Variants in PTGR1 observed in about 807,000 individuals in gnomAD.
The protein encoded by PTGR1 is 15-oxoprostaglandin 13-reductase.
Under a neutral mutation model 37.7 loss-of-function variants are expected in PTGR1, and 23 were observed. The ratio of observed to expected loss-of-function variants is 0.61; its 90% CI spans 0.44 to 0.86. PTGR1 has a LOEUF of 0.86. Ranked by LOEUF, PTGR1 falls within the 40% of genes least tolerant of loss-of-function variation. The probability of loss-of-function intolerance (pLI) is 0.00; values close to 1 mark genes in which losing one functional copy is unlikely to be tolerated. For missense variants in PTGR1, 351 were observed against 394.3 expected, an observed-to-expected ratio of 0.89 and a Z score of 0.93; for synonymous variants, 134 against 140.0, an observed-to-expected ratio of 0.96 and a Z score of 0.30.
intron 2 of PTGR1, among the ~76,000 whole-genome samples, chr9:111,594,685 G>C (rs1272568941): frequency 6.6e-6 from 1 of 150,622 alleles, no homozygotes; most frequent in African/African-American, 2.4e-5. Flanking sequence ...TGAGTAGCTG[G>C]GACTACAGCC....
chr9:111,586,088 A>G lies in PTGR1; in HGVS notation c.287T>C (p.Ile96Thr). Residue 96 changes from isoleucine (I) to threonine (T), a missense_variant, in exon 5 of 10, where the codon ATT becomes ACT. Transcript: ENST00000407693. The stretch of plus-strand genomic sequence containing the variant: ...CTTTTCCAGATCTTTCCCATCAGAA[A>G]TGGAGTGCGTTGTCCAGCCTGGAGA... Reference protein sequence around the residue: ...LASPGWTTHSISDGKDLEKLL... With the variant: ...LASPGWTTHSTSDGKDLEKLL... 1.2e-6 allele frequency: 2 copies of G among 1,614,206 alleles called. No individual in the cohort carries two copies. Among genetic ancestry groups the G allele is most frequent in the Non-Finnish European group, 1.7e-6 (2 of 1,180,032 alleles).
chr9:111,583,198 T>C (rs908030569), intron 6 of PTGR1, among the ~76,000 whole-genome samples: 8 of 152,242 alleles, frequency 5.3e-5, no homozygotes, highest in Non-Finnish European at 1.2e-4. Context: ...AGCGATAGAA[T>C]GTTCAGTAAA....
intron 3 of PTGR1, 149 bp downstream of exon 3, chr9:111,594,073 G>A (rs1327699397): frequency 2.5e-6 from 2 of 806,884 alleles, no homozygotes; most frequent in African/African-American, 1.7e-5. Flanking sequence ...CAAAAGACGA[G>A]CGTGCATGAA....
intron 9 of PTGR1, among the ~76,000 whole-genome samples, chr9:111,555,759 C>T (rs1267360292): frequency 6.6e-6 from 1 of 152,200 alleles, no homozygotes; most frequent in Non-Finnish European, 1.5e-5. Flanking sequence ...AAATCTGCCA[C>T]CATGATCCCA....
At chr9:111,590,217 A>C (rs923169797) in intron 4 of PTGR1, among the ~76,000 whole-genome samples, 1 of 152,210 alleles carries the variant, frequency 6.6e-6, no homozygotes, top group Non-Finnish European at 1.5e-5. Context: ...TTAACTTACA[A>C]AAAGAAGGTC....
chr9:111,561,142 AGAGAG>A (rs1564608065), downstream of PTGR1, among the ~76,000 whole-genome samples: 27 of 45,982 alleles, frequency 5.9e-4, 1 homozygote, highest in African/African-American at 1.9e-3. Flanking sequence ...GAGAGAGGAG[AGAGAG>A]GGAGAGAGAG....
intron 8 of PTGR1, 64 bp from the exon 9 acceptor site, chr9:111,570,273 G>T: frequency 6.5e-7 from 1 of 1,548,248 alleles, no homozygotes; most frequent in Non-Finnish European, 8.7e-7. Context: ...GAAACAAGCA[G>T]TACAGGTCAC....
chr9:111,551,144 A>G lies in PTGR1; in HGVS notation c.880-1345T>C, dbSNP rs371724423. On this transcript the variant is annotated intron_variant, in intron 9 of 9. Transcript: ENST00000538962. ...TTAAAAATGTATTTTACTTCACCCA[A>G]TATATCCATAATATTATTTCATCAT... Among the ~76,000 whole-genome samples, 12 of 152,326 alleles carry G rather than the reference A, an allele frequency of 7.9e-5. No homozygotes were observed. The South Asian group carries it at 8.3e-4, about 11-fold the overall frequency.
intron 9 of PTGR1, among the ~76,000 whole-genome samples, chr9:111,552,252 A>G (rs1827988361): frequency 6.6e-6 from 1 of 152,152 alleles, no homozygotes; most frequent in South Asian, 2.1e-4. Flanking sequence ...TCCAGGTAAC[A>G]TTGGTAAAGA....
rs773699768 is a variant in PTGR1 at position 111,578,957 on chromosome 9, T to TAA, written c.496-7_496-6insTT. The TAA allele has an allele frequency of 3.4e-6, 5 of 1,455,266 alleles. No individual in the cohort carries two copies. The highest frequency in any genetic ancestry group is 4.5e-6 in the Non-Finnish European group (5 of 1,110,698). The allele number at this position is 1,455,266 out of a possible 1,614,324, so 90.1% of individuals were successfully genotyped here. A position where few individuals can be genotyped will look rare whatever the true frequency, so the allele number is the denominator to read the frequency against. On this transcript the variant is annotated splice_polypyrimidine_tract_variant and splice_region_variant and intron_variant, in intron 6 of 9. Coordinates refer to ENST00000407693, the MANE Select transcript of PTGR1 (RefSeq NM_001146108.2). ...GCTCCAACAACTTTGCAGCCCTAAG[T>TAA]AGAAAAAAAAAAAAAAAGGAAACCA...
chr9:111,568,948 A>C (rs1828692502), intron 9 of PTGR1, among the ~76,000 whole-genome samples: 1 of 152,234 alleles, frequency 6.6e-6, no homozygotes, highest in African/African-American at 2.4e-5. Flanking sequence ...ATCTCCTTAG[A>C]GATTAGACAT....
rs541178760 is a variant in PTGR1 at position 111,568,441 on chromosome 9, C to G, written c.879+1650G>C. Among the ~76,000 whole-genome samples the G allele has an allele frequency of 6.3e-4, 96 of 152,242 alleles. 1 individual carries two copies. Among genetic ancestry groups the G allele is most frequent in the African/African-American group, 2.3e-3 (94 of 41,542 alleles). ...TGTGGTCAGACTGGTTCTCTGCTTTCGAACCCTGTTTTCTGTTGTTGAAGA... is the reference window on the plus strand; with the variant it reads ...TGTGGTCAGACTGGTTCTCTGCTTTGGAACCCTGTTTTCTGTTGTTGAAGA... On this transcript the variant is annotated intron_variant, in intron 9 of 9. Coordinates refer to ENST00000407693, the MANE Select transcript of PTGR1 (RefSeq NM_001146108.2).
Position 111,562,906 on chromosome 9 carries a change from G to GT in PTGR1, c.*214dup, listed in dbSNP as rs2132314463. ...TTTCTACCACAACTCAGAAGAAGCT[G>GT]TAGTGAACAGTGAGGTGACTGGTTG... On this transcript the variant is annotated 3_prime_UTR_variant, in exon 10 of 10. Coordinates refer to ENST00000407693, the MANE Select transcript of PTGR1 (RefSeq NM_001146108.2). 2.3e-6 allele frequency: 3 copies of GT among 1,318,274 alleles called. No individual in the cohort carries two copies. The highest frequency in any genetic ancestry group is 5.5e-5 in the East Asian group (2 of 36,320). The allele number at this position is 1,318,274 out of a possible 1,614,324, so 81.7% of individuals were successfully genotyped here. A position where few individuals can be genotyped will look rare whatever the true frequency, so the allele number is the denominator to read the frequency against.
rs756683877 is a variant in PTGR1, at chr9:111,563,080, T to G, written c.*41A>C. The G allele has an allele frequency of 6.2e-7, 1 of 1,602,170 alleles. No individual in the cohort carries two copies. The highest frequency in any genetic ancestry group is 8.5e-7 in the Non-Finnish European group (1 of 1,175,290). ...GCTAAATGGTGAAAAACAAATTAAC[T>G]AATCATCTAAATGGCCTCCAGATTC... On this transcript the variant is annotated 3_prime_UTR_variant, in exon 10 of 10. Transcript: ENST00000407693.
chr9:111,586,562 A>C (rs1179977914), intron 4 of PTGR1, among the ~76,000 whole-genome samples: 1 of 151,868 alleles, frequency 6.6e-6, no homozygotes, highest in Non-Finnish European at 1.5e-5. Flanking sequence ...CTTTCACTCA[A>C]AATATAAGCA....
intron 1 of PTGR1, 95 bp from the exon 2 acceptor site, chr9:111,597,527 A>G (rs979526293): frequency 8.7e-6 from 6 of 690,436 alleles, no homozygotes; most frequent in Non-Finnish European, 1.5e-5. Flanking sequence ...CACAATTACA[A>G]TATCCTCAAA....
At chr9:111,587,141 G>T (rs1829457410) in intron 4 of PTGR1, among the ~76,000 whole-genome samples, 1 of 151,866 alleles carries the variant, frequency 6.6e-6, no homozygotes, top group African/African-American at 2.4e-5. Flanking sequence ...ATTAACACAG[G>T]GTCACCCAAA....
At chr9:111,594,670 C>T (rs1829727154) in intron 2 of PTGR1, among the ~76,000 whole-genome samples, 2 of 150,308 alleles carry the variant, frequency 1.3e-5, no homozygotes, top group East Asian at 2.0e-4. Context: ...CCTGCCTCAG[C>T]CTCCTGAGTA....
chr9:111,599,480 G>C (rs1829879435), intron 1 of PTGR1, 123 bp downstream of exon 1: 1 of 152,336 alleles, frequency 6.6e-6, no homozygotes, highest in Non-Finnish European at 1.5e-5. Flanking sequence ...TCATTTCGAC[G>C]TAAGGGGAGG....
Sources: allele counts gnomAD v4.1 joint callset (sites outside exome capture counted in the v4.1 genomes callset), GRCh38; gene constraint gnomAD v4.1.1; transcripts MANE v1.5; gene names NCBI Gene and HGNC (gene_info 2026-07-23, HGNC 2026-07-21).